The following DNAH17 variants were observed in gnomAD, a reference collection of about 807,000 sequenced individuals.
DNAH17 encodes axonemal beta dynein heavy chain 17.
DNAH17 carries 376 observed loss-of-function variants against 485.6 expected under a neutral mutation model. The ratio of observed to expected loss-of-function variants is 0.77; its 90% CI spans 0.71 to 0.84. The LOEUF (loss-of-function observed/expected upper bound fraction) is 0.84, where lower values mean the gene tolerates loss of function less well. Among genes scored for constraint, DNAH17 ranks in the 40% least tolerant of loss-of-function variants. DNAH17 has a pLI of 0.00. For synonymous variants in DNAH17, 3,031 were observed against 2,405.9 expected (o/e 1.26, Z -7.60); for missense variants, 6,370 against 5,839.3 (o/e 1.09, Z -2.96).
intron 71 of DNAH17, 139 bp from the exon 72 acceptor site, chr17:78,441,338 G>C: frequency 1.0e-6 from 1 of 953,982 alleles, no homozygotes; most frequent in Non-Finnish European, 1.5e-6. Flanking sequence ...TGGCAGGAGA[G>C]CAGAGTCTTT....
chr17:78,470,680 C>CTCCG (rs1456604835), intron 54 of DNAH17, among the ~76,000 whole-genome samples: 1 of 152,128 alleles, frequency 6.6e-6, no homozygotes, highest in East Asian at 1.9e-4. Flanking sequence ...CAGAGTGAGA[C>CTCCG]TCCGTCTCAA....
intron 49 of DNAH17, among the ~76,000 whole-genome samples, chr17:78,480,049 TAA>T (rs71160302): frequency 1.1e-5 from 1 of 93,858 alleles, no homozygotes; most frequent in Admixed American, 1.1e-4. Flanking sequence ...TTTTTTTTTT[TAA>T]AAAAAGTATG....
intron 44 of DNAH17, among the ~76,000 whole-genome samples, chr17:78,487,211 G>C (rs1302059843): frequency 6.6e-6 from 1 of 152,204 alleles, no homozygotes; most frequent in Non-Finnish European, 1.5e-5. Context: ...ACCATGGCCA[G>C]CTGCTGCTTT....
Position 78,486,105 on chromosome 17 carries a change from T to G in DNAH17, c.7130A>C (p.Lys2377Thr). 1 of 1,613,886 alleles carries G rather than the reference T, an allele frequency of 6.2e-7. No homozygotes were observed. Among genetic ancestry groups the G allele is most frequent in the Non-Finnish European group, 8.5e-7 (1 of 1,179,850 alleles). Reference sequence around the variant, plus strand: ...AGTCTTGAATTCGTTGATCCACCATTTACTGAACTCCACTCGATAATCCAC... The same window carrying G: ...AGTCTTGAATTCGTTGATCCACCATGTACTGAACTCCACTCGATAATCCAC... ...QLVDYRVEFSKWWINEFKTIK... is the reference protein window; with the variant it reads ...QLVDYRVEFSTWWINEFKTIK... The change falls in exon 46 of 81, where the codon AAA becomes ACA. Residue 2377 changes from lysine to threonine, a missense_variant. By Grantham distance (78) the Lys-to-Thr change is moderately conservative. Transcript: ENST00000389840.
At chr17:78,431,637 C>T (rs143826057) in intron 75 of DNAH17, among the ~76,000 whole-genome samples, 52 of 152,228 alleles carry the variant, frequency 3.4e-4, no homozygotes, top group Middle Eastern at 6.8e-3. Context: ...ACATCATTCC[C>T]GGTGGTCACT....
At chr17:78,511,126 CTTTCT>C (rs1192908057) in intron 26 of DNAH17, among the ~76,000 whole-genome samples, 1 of 152,174 alleles carries the variant, frequency 6.6e-6, no homozygotes, top group African/African-American at 2.4e-5. Flanking sequence ...TGTTTTCTTT[CTTTCT>C]TTTGAGACAG....
rs59853990 is a variant in DNAH17 at position 78,507,596 on chromosome 17, C to A, written c.4446G>T (p.Ala1482=). Residue 1482 remains alanine, a synonymous_variant, in exon 28 of 81, where the codon GCG becomes GCT. Transcript: ENST00000389840. ...CAAACCAGATGGAGATGACGGAGTCCGCCGTGGACAGCTTCTGCTGCCAGC... is the reference window on the plus strand; with the variant it reads ...CAAACCAGATGGAGATGACGGAGTCAGCCGTGGACAGCTTCTGCTGCCAGC... ...VTSWQQKLST[A]DSVISIWFEV... is the part of the protein sequence containing the mutation. 0.067 allele frequency: 107,941 copies of A among 1,614,010 alleles called. 4,889 individuals are homozygous for A. Among genetic ancestry groups the A allele is most frequent in the East Asian group, 0.19 (8,599 of 44,864 alleles).
intron 25 of DNAH17, chr17:78,522,684 T>C (rs948763808): frequency 2.4e-5 from 5 of 207,056 alleles, no homozygotes; most frequent in Non-Finnish European, 5.0e-5. Flanking sequence ...TGCACGGAAA[T>C]TCCAAAGTTC....
At chr17:78,491,357 C>T (rs1194497049) in intron 43 of DNAH17, 86 bp downstream of exon 43, 1 of 1,526,638 alleles carries the variant, frequency 6.6e-7, no homozygotes, top group Non-Finnish European at 8.8e-7. Flanking sequence ...CATGCAGGGC[C>T]TGAGTGCTCC....
chr17:78,425,161 C>T (rs1568031381), intron 80 of DNAH17, 185 bp downstream of exon 80: 1 of 604,764 alleles, frequency 1.7e-6, no homozygotes, highest in East Asian at 2.8e-5. Flanking sequence ...TCCCTGAATC[C>T]TCTCAACCCT....
At chr17:78,487,794 C>T (rs1015916833) in intron 44 of DNAH17, among the ~76,000 whole-genome samples, 3 of 152,134 alleles carry the variant, frequency 2.0e-5, no homozygotes, top group East Asian at 1.9e-4. Flanking sequence ...CAAAGTGCTG[C>T]GATTACAGAC....
At chr17:78,452,770 G>A (rs1035496073) in intron 65 of DNAH17, among the ~76,000 whole-genome samples, 2 of 152,096 alleles carry the variant, frequency 1.3e-5, no homozygotes, top group African/African-American at 2.4e-5. Context: ...AGTAAAAAGA[G>A]CCAGACACAA....
rs548646016 is a variant in DNAH17, at chr17:78,560,862, G to A, written c.1909C>T (p.Arg637Cys). The change falls in exon 13 of 81, where the codon CGC becomes TGC. Residue 637 changes from arginine to cysteine, a missense_variant. Coordinates refer to ENST00000389840, the MANE Select transcript of DNAH17 (RefSeq NM_173628.4). The part of the protein sequence containing the change: ...DEMMELLRCH[R>C]EKIYQQWVAG... ...ACCCACTGCTGGTAGATCTTCTCGC[G>A]GTGGCACCTCAGCAGCTCCATCATC... 8.2e-5 allele frequency: 128 copies of A among 1,551,692 alleles called. No individual in the cohort carries two copies. Among genetic ancestry groups the A allele is most frequent in the South Asian group, 7.9e-4 (66 of 84,068 alleles).
At chr17:78,574,666 A>G in intron 2 of DNAH17, 47 bp downstream of exon 2, 1 of 1,513,780 alleles carries the variant, frequency 6.6e-7, no homozygotes. Context: ...CGCTCCCGAG[A>G]AGTCGGTCGT....
At chr17:78,473,942 A>G (rs980775987) in intron 54 of DNAH17, among the ~76,000 whole-genome samples, 3 of 152,232 alleles carry the variant, frequency 2.0e-5, no homozygotes, top group Admixed American at 6.5e-5. Flanking sequence ...TCATGGGTCC[A>G]GAGGACAGGG....
intron 1 of DNAH17, among the ~76,000 whole-genome samples, chr17:78,575,705 C>G (rs1004332026): frequency 6.6e-6 from 1 of 152,094 alleles, no homozygotes; most frequent in African/African-American, 2.4e-5. Context: ...TGCTCAGATG[C>G]TCGGGGGTAG....
chr17:78,482,369 T>G (rs917378082), intron 48 of DNAH17, among the ~76,000 whole-genome samples: 4 of 152,350 alleles, frequency 2.6e-5, no homozygotes, highest in African/African-American at 9.6e-5. Flanking sequence ...TGTTGGAAGT[T>G]GACGTCTGTT....
intron 18 of DNAH17, 120 bp from the exon 19 acceptor site, chr17:78,537,601 G>T (rs549810918): frequency 1.7e-6 from 2 of 1,172,754 alleles, no homozygotes; most frequent in African/African-American, 1.5e-5. Flanking sequence ...TATCTGGGAA[G>T]CTTCTGAGAG....
chr17:78,536,548 A>T (rs554118892), intron 19 of DNAH17, among the ~76,000 whole-genome samples: 14 of 152,078 alleles, frequency 9.2e-5, no homozygotes, highest in Admixed American at 9.2e-4. Flanking sequence ...GGGCTTGGTG[A>T]TGCATGCTCG....
Sources: allele counts gnomAD v4.1 joint callset (sites outside exome capture counted in the v4.1 genomes callset), GRCh38; gene constraint gnomAD v4.1.1; transcripts MANE v1.5; gene names NCBI Gene and HGNC (gene_info 2026-07-23, HGNC 2026-07-21).